The following ADGRV1 variants were observed in gnomAD, a reference collection of about 807,000 sequenced individuals.
ADGRV1 encodes the protein G-protein coupled receptor 98.
A neutral mutation model predicts 596.2 loss-of-function variants in ADGRV1; 359 were observed. That is an observed-to-expected ratio of 0.60 (90% CI 0.55 to 0.66). The LOEUF (loss-of-function observed/expected upper bound fraction) is 0.66. ADGRV1 is among the 30% of genes least tolerant of loss of function. ADGRV1 has a pLI of 0.00. For missense variants in ADGRV1, 7,274 were observed against 7,575.6 expected, an observed-to-expected ratio of 0.96 and a Z score of 1.48; for synonymous variants, 2,681 against 2,679.2, an observed-to-expected ratio of 1.00 and a Z score of -0.02.
intron 43 of ADGRV1, chr5:90,718,113 C>G (rs1324484838): frequency 6.6e-6 from 1 of 152,196 alleles, no homozygotes; most frequent in Non-Finnish European, 1.5e-5. Flanking sequence ...ATTCCAAGGA[C>G]AAACTCTGTG....
intron 85 of ADGRV1, among the ~76,000 whole-genome samples, chr5:91,068,390 A>G (rs1450155502): frequency 6.6e-6 from 1 of 151,778 alleles, no homozygotes; most frequent in African/African-American, 2.4e-5. Context: ...AATGGTGTGA[A>G]CCCAGGAGGC....
Position 90,720,942 on chromosome 5 carries a change from T to G in ADGRV1, c.9631T>G (p.Ser3211Ala), listed in dbSNP as rs766184763. 1.9e-6 allele frequency: 3 copies of G among 1,609,694 alleles called. No individual in the cohort carries two copies. The highest frequency in any genetic ancestry group is 2.5e-6 in the Non-Finnish European group (3 of 1,177,328). ...SISAVENRAT[S>A]IDIEEANRTV... is the part of the protein sequence containing the mutation. ...TCCATGTATTTCTTTCAGAGCCACC[T>G]CCATAGACATCGAAGAAGCCAATAG... The change falls in exon 45 of 90, where the codon TCC (serine) becomes GCC (alanine). Residue 3211 changes from serine (S) to alanine (A), a missense_variant. By Grantham distance (99) the Ser-to-Ala change is moderately conservative. Transcript: ENST00000405460.
chr5:90,813,161 A>T lies in ADGRV1; in HGVS notation c.16078+1823A>T. 2.2e-5 allele frequency among the ~76,000 whole-genome samples: 2 copies of T among 90,706 alleles called. 1 individual carries two copies. The highest frequency in any genetic ancestry group is 6.8e-5 in the African/African-American group (2 of 29,440). The allele number at this position is 90,706 out of a possible 152,430, so 59.5% of individuals were successfully genotyped here. ...AAAAAAAAAAAAAAAAAAAAAAAAA[A>T]AAATTTATTTGGCAGTCAGCATCCT... On this transcript the variant is annotated intron_variant, in intron 74 of 89. Coordinates refer to ENST00000405460, the MANE Select transcript of ADGRV1 (RefSeq NM_032119.4).
intron 85 of ADGRV1, among the ~76,000 whole-genome samples, chr5:90,987,642 A>G (rs1473574458): frequency 6.6e-6 from 1 of 152,028 alleles, no homozygotes; most frequent in Non-Finnish European, 1.5e-5. Flanking sequence ...ATAAACTGAT[A>G]TATTATTTAT....
chr5:90,755,021 A>G lies in ADGRV1; in HGVS notation c.11416A>G (p.Lys3806Glu). The change falls in exon 55 of 90, where the codon AAA (lysine) becomes GAA (glutamate). Residue 3806 changes from lysine to glutamate, a missense_variant. Lys to Glu is a moderately conservative substitution (Grantham distance 56). Coordinates refer to ENST00000405460, the MANE Select transcript of ADGRV1 (RefSeq NM_032119.4). ...TTLQLQIARD[K>E]GLLGDIAIHL... The stretch of plus-strand genomic sequence containing the variant: ...TCTTCAGTTACAAATAGCTCGAGAT[A>G]AAGGACTACTTGGGGATATTGCCAT... The G allele has an allele frequency of 6.2e-7, 1 of 1,613,376 alleles. No homozygotes were observed. The highest frequency in any genetic ancestry group is 8.5e-7 in the Non-Finnish European group (1 of 1,179,366).
At chr5:91,149,732 C>T (rs1309785465) in intron 87 of ADGRV1, among the ~76,000 whole-genome samples, 1 of 146,812 alleles carries the variant, frequency 6.8e-6, no homozygotes, top group Middle Eastern at 3.3e-3. Context: ...ACTCGGGAGA[C>T]TGAGGCAGGA....
chr5:90,719,798 A>C (rs1348656965), intron 43 of ADGRV1, among the ~76,000 whole-genome samples: 1 of 152,230 alleles, frequency 6.6e-6, no homozygotes, highest in Non-Finnish European at 1.5e-5. Flanking sequence ...TTTTTAATCA[A>C]TGTTATTTTA....
At chr5:90,901,459 C>A (rs1410308349) in intron 83 of ADGRV1, among the ~76,000 whole-genome samples, 1 of 152,090 alleles carries the variant, frequency 6.6e-6, no homozygotes, top group African/African-American at 2.4e-5. Flanking sequence ...CCTCTATTGC[C>A]CCTAAACCTT....
At chr5:90,972,460 C>A (rs1349786128) in intron 84 of ADGRV1, among the ~76,000 whole-genome samples, 3 of 152,162 alleles carry the variant, frequency 2.0e-5, no homozygotes, top group African/African-American at 7.2e-5. Flanking sequence ...AAGTAAAGCA[C>A]TCCTCAGCAA....
chr5:90,927,383 A>G (rs571820489), intron 83 of ADGRV1, among the ~76,000 whole-genome samples: 143 of 152,286 alleles, frequency 9.4e-4, no homozygotes, highest in Middle Eastern at 3.4e-3. Flanking sequence ...CTTTACCATT[A>G]TGTAATGGCA....
At chr5:90,711,811 C>T (rs1749391353) in intron 41 of ADGRV1, among the ~76,000 whole-genome samples, 1 of 152,270 alleles carries the variant, frequency 6.6e-6, no homozygotes, top group South Asian at 2.1e-4. Context: ...AAGTCTCGCT[C>T]TCTCACTCAG....
chr5:91,071,809 G>C (rs1035354256), intron 85 of ADGRV1, among the ~76,000 whole-genome samples: 4 of 151,860 alleles, frequency 2.6e-5, no homozygotes, highest in Non-Finnish European at 4.4e-5. Flanking sequence ...CAAGTAGCTG[G>C]GACTACAGGC....
intron 86 of ADGRV1, among the ~76,000 whole-genome samples, chr5:91,098,087 A>G (rs1349725655): frequency 6.6e-6 from 1 of 152,188 alleles, no homozygotes; most frequent in East Asian, 1.9e-4. Context: ...TGTTTCCAAT[A>G]TTACCAATTA....
chr5:90,931,691 A>C (rs577764426), intron 83 of ADGRV1, among the ~76,000 whole-genome samples: 2 of 152,342 alleles, frequency 1.3e-5, no homozygotes, highest in African/African-American at 4.8e-5. Flanking sequence ...TTGACAACAC[A>C]ATTTCTTAAA....
chr5:90,700,325 A>T (rs553784074), intron 34 of ADGRV1, among the ~76,000 whole-genome samples: 1 of 152,196 alleles, frequency 6.6e-6, no homozygotes, highest in East Asian at 1.9e-4. Context: ...AATGTGGACT[A>T]TGCTGAACTT....
chr5:90,965,102 G>T (rs1299581826), intron 83 of ADGRV1, among the ~76,000 whole-genome samples: 1 of 151,904 alleles, frequency 6.6e-6, no homozygotes, highest in Non-Finnish European at 1.5e-5. Flanking sequence ...TTTCTACTTT[G>T]CTAAAATAAA....
intron 87 of ADGRV1, among the ~76,000 whole-genome samples, chr5:91,145,447 T>A (rs1383426157): frequency 6.6e-6 from 1 of 152,266 alleles, no homozygotes; most frequent in Non-Finnish European, 1.5e-5. Context: ...CTGACAGTTT[T>A]ATTTTTTTCC....
intron 83 of ADGRV1, among the ~76,000 whole-genome samples, chr5:90,945,117 C>T (rs746776768): frequency 6.6e-6 from 1 of 152,034 alleles, no homozygotes. Context: ...ATTACAGATG[C>T]CTTCAGTTCA....
At chr5:90,809,958 T>C (rs1165530534) in intron 73 of ADGRV1, among the ~76,000 whole-genome samples, 1 of 152,250 alleles carries the variant, frequency 6.6e-6, no homozygotes, top group Non-Finnish European at 1.5e-5. Context: ...CTCAGACAGC[T>C]GCTCTGGGAT....
Sources: gnomAD v4.1 joint callset for allele counts (sites outside exome capture counted in the v4.1 genomes callset) on GRCh38, gnomAD v4.1.1 for gene constraint, MANE v1.5 for transcripts, NCBI Gene and HGNC (gene_info 2026-07-23, HGNC 2026-07-21) for gene names.